The following ANK3 variants were observed in gnomAD, a reference collection of about 807,000 sequenced individuals.
ANK3 encodes the protein ankyrin 3.
Under a neutral mutation model 370.9 loss-of-function variants are expected in ANK3, and 57 were observed. The observed-to-expected ratio is 0.15, with a 90% confidence interval of 0.12 to 0.19. The LOEUF (loss-of-function observed/expected upper bound fraction) is 0.19. ANK3 is among the 10% of genes least tolerant of loss of function. The probability of loss-of-function intolerance (pLI) is 1.00; values close to 1 mark genes in which losing one functional copy is unlikely to be tolerated. For synonymous variants in ANK3, 1,929 were observed against 1,946.3 expected (o/e 0.99, Z 0.23); for missense variants, 4,439 against 5,302.1 (o/e 0.84, Z 5.06).
At chr10:60,467,539 A>G (rs2065038521) in intron 2 of ANK3, among the ~76,000 whole-genome samples, 1 of 152,212 alleles carries the variant, frequency 6.6e-6, no homozygotes, top group Non-Finnish European at 1.5e-5. Context: ...AAATATCAAA[A>G]TTGTTAATAG....
At position 60,070,138 on chromosome 10, in the gene ANK3, A is replaced by G. The variant is rs775373831; in HGVS notation, c.10743T>C (p.Asp3581=). The change falls in exon 37 of 44, where the codon GAT becomes GAC. Residue 3581 remains aspartate, a synonymous_variant. Transcript: ENST00000280772. This position sits in a 1 kb window ranked among gnomAD's most constrained non-coding sequence, Gnocchi z 5.7. ...VEDRSPATTP[D]TTPARTPTDE... Reference sequence around the variant, plus strand: ...CAGTTGGCGTTCTGGCTGGCGTTGTATCAGGGGTTGTTGCTGGAGAGCGGT... The same window carrying G: ...CAGTTGGCGTTCTGGCTGGCGTTGTGTCAGGGGTTGTTGCTGGAGAGCGGT... 2 of 1,614,150 alleles carry G rather than the reference A, an allele frequency of 1.2e-6. No homozygotes were observed. Among genetic ancestry groups the G allele is most frequent in the Non-Finnish European group, 1.7e-6 (2 of 1,179,996 alleles).
intron 12 of ANK3, among the ~76,000 whole-genome samples, chr10:60,202,103 C>T (rs1470822792): frequency 6.6e-6 from 1 of 151,780 alleles, no homozygotes; most frequent in African/African-American, 2.4e-5. Flanking sequence ...TAGAAAAATA[C>T]CCCCCATACT....
chr10:60,160,494 T>C (rs1246125275), intron 23 of ANK3, among the ~76,000 whole-genome samples: 1 of 152,078 alleles, frequency 6.6e-6, no homozygotes, highest in Admixed American at 6.6e-5. Flanking sequence ...AGAACTACTA[T>C]TAATCCTACT....
Position 60,172,318 on chromosome 10 carries a change from A to G in ANK3, c.2468T>C (p.Met823Thr). Residue 823 changes from methionine (M) to threonine (T), a missense_variant, in exon 21 of 44, where the codon ATG becomes ACG. Physicochemically the swap from Met to Thr is moderately conservative, Grantham distance 81. Around this residue, in one of 13 missense-constraint regions of ANK3, gnomAD observed 702 missense variants for 941.5 expected, o/e 0.75. Transcript: ENST00000280772. ...GCATTCCTTACTTACAGTTGTGGTC[A>G]TGGTCTCTTCGGTCACTATCTTCAG... The part of the protein sequence containing the change: ...DTLKIVTEET[M>T]TTTTVTEKHK... 1 of 1,613,748 alleles carries G rather than the reference A, an allele frequency of 6.2e-7. No individual in the cohort carries two copies. Among genetic ancestry groups the G allele is most frequent in the South Asian group, 1.1e-5 (1 of 91,058 alleles).
chr10:60,044,396 T>G, intron 42 of ANK3: 3 of 875,474 alleles, frequency 3.4e-6, no homozygotes, highest in East Asian at 1.2e-4. Flanking sequence ...TGGAGAAATC[T>G]CCACACTACT....
chr10:60,430,932 T>C (rs1487420508), intron 2 of ANK3, among the ~76,000 whole-genome samples: 1 of 152,180 alleles, frequency 6.6e-6, no homozygotes, highest in Non-Finnish European at 1.5e-5. Flanking sequence ...GTAAACCTTA[T>C]AAGTTTGTTT....
chr10:60,572,362 C>A, intron 2 of ANK3: 5 of 1,180,318 alleles, frequency 4.2e-6, no homozygotes, highest in Non-Finnish European at 4.6e-6. Flanking sequence ...CTAGCAGCTT[C>A]TTAAAAATCT....
intron 24 of ANK3, among the ~76,000 whole-genome samples, chr10:60,137,103 G>A (rs1471162928): frequency 1.3e-5 from 2 of 151,976 alleles, no homozygotes; most frequent in East Asian, 1.9e-4. Context: ...AACTTGTTAA[G>A]GGAAAGAAAT....
intron 2 of ANK3, among the ~76,000 whole-genome samples, chr10:60,557,233 G>C (rs1385928970): frequency 6.6e-6 from 1 of 152,076 alleles, no homozygotes; most frequent in Non-Finnish European, 1.5e-5. Flanking sequence ...GCAAAAAATA[G>C]AAACAACCCA....
rs781249624 is a variant in ANK3 at position 60,071,662 on chromosome 10, T to C, written c.9219A>G (p.Gly3073=). The change falls in exon 37 of 44, where the codon GGA becomes GGG. Residue 3073 remains glycine, a synonymous_variant. Coordinates refer to ENST00000280772, the MANE Select transcript of ANK3 (RefSeq NM_020987.5). ...SDVFDHSPID[G]LEKLAPLAQT... ...GGGCTAGTGGTGCGAGTTTTTCCAATCCATCAATGGGACTGTGGTCGAATA... is the reference window on the plus strand; with the variant it reads ...GGGCTAGTGGTGCGAGTTTTTCCAACCCATCAATGGGACTGTGGTCGAATA... The C allele has an allele frequency of 1.2e-6, 2 of 1,607,680 alleles. No individual in the cohort carries two copies. Among genetic ancestry groups the C allele is most frequent in the Non-Finnish European group, 1.7e-6 (2 of 1,177,704 alleles).
chr10:60,482,597 C>G (rs2075252977), intron 2 of ANK3, among the ~76,000 whole-genome samples: 1 of 152,104 alleles, frequency 6.6e-6, no homozygotes, highest in Non-Finnish European at 1.5e-5. Context: ...ATAGATCCTC[C>G]CACCTCATTC....
intron 2 of ANK3, among the ~76,000 whole-genome samples, chr10:60,399,773 GA>G (rs1210222283): frequency 6.6e-6 from 1 of 152,114 alleles, no homozygotes; most frequent in Non-Finnish European, 1.5e-5. Flanking sequence ...ATAATTTAAT[GA>G]AAAAATTTAA....
intron 2 of ANK3, among the ~76,000 whole-genome samples, chr10:60,501,523 G>A (rs2075796031): frequency 2.0e-5 from 3 of 151,852 alleles, no homozygotes; most frequent in East Asian, 1.9e-4. Flanking sequence ...TGGCCATGAT[G>A]GAGAAACCCT....
intron 1 of ANK3, among the ~76,000 whole-genome samples, chr10:60,724,091 T>C (rs2079904219): frequency 7.9e-6 from 1 of 126,370 alleles, no homozygotes; most frequent in South Asian, 3.3e-4. Context: ...GCGCCTGTAG[T>C]CCCAGCTACT....
At chr10:60,041,168 GC>G (rs2076023954) in intron 43 of ANK3, among the ~76,000 whole-genome samples, 1 of 152,106 alleles carries the variant, frequency 6.6e-6, no homozygotes, top group African/African-American at 2.4e-5. Context: ...ATCCACCAGT[GC>G]CCCTTCCAAT....
At chr10:60,030,268 G>T (rs537212473) in intron 43 of ANK3, among the ~76,000 whole-genome samples, 1 of 151,866 alleles carries the variant, frequency 6.6e-6, no homozygotes, top group African/African-American at 2.4e-5. Context: ...TCAGCCTCCC[G>T]AGTAGCTGGG....
chr10:60,223,684 T>C (rs1264447046), intron 8 of ANK3, among the ~76,000 whole-genome samples: 1 of 152,300 alleles, frequency 6.6e-6, no homozygotes, highest in East Asian at 1.9e-4. Flanking sequence ...AGTAGACTCA[T>C]TTTGTCTACT....
chr10:60,537,215 C>T (rs960794234), intron 2 of ANK3, among the ~76,000 whole-genome samples: 2 of 151,930 alleles, frequency 1.3e-5, no homozygotes, highest in South Asian at 2.1e-4. Flanking sequence ...AAACAGTTAT[C>T]GTATTTGCTG....
chr10:60,547,247 T>C (rs2076985347), intron 2 of ANK3, among the ~76,000 whole-genome samples: 1 of 151,500 alleles, frequency 6.6e-6, no homozygotes, highest in African/African-American at 2.4e-5. Flanking sequence ...CCTGCCACTA[T>C]GGCTAGCTAA....
Sources: gnomAD v4.1 joint callset for allele counts (sites outside exome capture counted in the v4.1 genomes callset) on GRCh38, gnomAD v4.1.1 for gene constraint, gnomAD v4.1.1 regional missense constraint, Gnocchi (gnomAD v3.1) non-coding constraint, MANE v1.5 for transcripts, NCBI Gene and HGNC (gene_info 2026-07-23, HGNC 2026-07-21) for gene names.